FAM53B: variants seen among roughly 807,000 people sequenced by gnomAD.
FAM53B encodes protein FAM53B.
A neutral mutation model predicts 32.7 loss-of-function variants in FAM53B; 12 were observed. The observed-to-expected ratio is 0.37, with a 90% CI of 0.24 to 0.59. FAM53B has a LOEUF of 0.59. FAM53B is among the 20% of genes least tolerant of loss of function. The pLI, the probability that FAM53B is intolerant of heterozygous loss-of-function variation, is 0.72. For missense variants in FAM53B, 477 were observed against 577.7 expected (o/e 0.83, Z 1.79); for synonymous variants, 234 against 228.7 (o/e 1.02, Z -0.21).
chr10:124,628,408 C>A (rs950614624), intron 4 of FAM53B, among the ~76,000 whole-genome samples: 2 of 152,186 alleles, frequency 1.3e-5, no homozygotes, highest in African/African-American at 2.4e-5. Flanking sequence ...ATTCTCACCC[C>A]CTGGGCCCTG....
chr10:124,706,226 G>A (rs541985848), intron 2 of FAM53B, among the ~76,000 whole-genome samples: 3 of 152,206 alleles, frequency 2.0e-5, no homozygotes, highest in Admixed American at 6.5e-5. Flanking sequence ...TCCCACTCTC[G>A]ACGTTCCTGA....
chr10:124,643,087 G>A (rs1949487553), intron 4 of FAM53B, among the ~76,000 whole-genome samples: 1 of 152,196 alleles, frequency 6.6e-6, no homozygotes, highest in African/African-American at 2.4e-5. Flanking sequence ...AGCACGAAAA[G>A]GACACACAAA....
chr10:124,720,461 G>A (rs1482006715), intron 1 of FAM53B, among the ~76,000 whole-genome samples: 1 of 152,022 alleles, frequency 6.6e-6, no homozygotes, highest in South Asian at 2.1e-4. Flanking sequence ...TCCTAGCTTC[G>A]AAAATAATTT....
chr10:124,678,236 G>C (rs189867500), intron 4 of FAM53B, among the ~76,000 whole-genome samples: 1 of 152,352 alleles, frequency 6.6e-6, no homozygotes, highest in Non-Finnish European at 1.5e-5. Context: ...TCCTGCGACT[G>C]TGACGATGAT....
chr10:124,703,241 G>A (rs151021127), intron 2 of FAM53B, among the ~76,000 whole-genome samples: 6,545 of 152,126 alleles, frequency 0.043, 206 homozygotes, highest in East Asian at 0.12. Flanking sequence ...GCAGAGACGG[G>A]GCTTCACCAT....
At chr10:124,688,129 G>A (rs931088852) in intron 3 of FAM53B, among the ~76,000 whole-genome samples, 13 of 152,140 alleles carry the variant, frequency 8.5e-5, no homozygotes, top group Non-Finnish European at 1.5e-5. Context: ...GGCCTTAGAA[G>A]CTAACTCACT....
At position 124,681,703 on chromosome 10, in the gene FAM53B, C is replaced by G; in HGVS notation, c.810G>C (p.Pro270=). The change falls in exon 4 of 5, where the codon CCG becomes CCC. Residue 270 remains proline, a synonymous_variant. Transcript: ENST00000337318. ...CGACCTTCTTGTCGTTAAGGACACA[C>G]GGCTGGGAGCGGCTGCGGGAAAGGC... ...SSGLSRSRSQ[P]CVLNDKKVGV... 1 of 1,610,412 alleles carries G rather than the reference C, an allele frequency of 6.2e-7. No homozygotes were observed. Among genetic ancestry groups the G allele is most frequent in the African/African-American group, 1.3e-5 (1 of 75,024 alleles).
intron 4 of FAM53B, among the ~76,000 whole-genome samples, chr10:124,629,152 G>A (rs1365677043): frequency 6.6e-6 from 1 of 152,252 alleles, no homozygotes; most frequent in Non-Finnish European, 1.5e-5. Context: ...GCCCTGTGGG[G>A]AGTCCAGTTC....
intron 1 of FAM53B, chr10:124,742,820 A>C (rs1950207374): frequency 6.6e-6 from 1 of 152,254 alleles, no homozygotes; most frequent in Non-Finnish European, 1.5e-5. Context: ...CCCGGAATGC[A>C]AGCCATTCCG....
intron 4 of FAM53B, among the ~76,000 whole-genome samples, chr10:124,673,864 G>A (rs1021293931): frequency 2.0e-5 from 3 of 152,172 alleles, no homozygotes; most frequent in Non-Finnish European, 2.9e-5. Context: ...GCAGTGTGTT[G>A]GCTTCCCAGA....
rs1490097868 is a variant in FAM53B, at chr10:124,621,553, G to A, written c.*1689C>T. On this transcript the variant is annotated 3_prime_UTR_variant, in exon 5 of 5. Transcript: ENST00000337318. ...GCAACACCATCTCTCAGGGCTGTGG[G>A]GCTGGGGGCTTTCTGCCAGCTCCTT... 1.3e-5 allele frequency: 2 copies of A among 151,992 alleles called. No individual in the cohort carries two copies. The highest frequency in any genetic ancestry group is 3.9e-4 in the East Asian group (2 of 5,156). 9.4% of individuals were successfully genotyped at this position (151,992 alleles called of 1,614,324 possible).
At chr10:124,684,318 C>T (rs1218877746) in intron 3 of FAM53B, among the ~76,000 whole-genome samples, 1 of 152,240 alleles carries the variant, frequency 6.6e-6, no homozygotes, top group Non-Finnish European at 1.5e-5. Flanking sequence ...CACAGCAGGT[C>T]TCAATATCTG....
chr10:124,662,445 C>T (rs1222569689), intron 4 of FAM53B, among the ~76,000 whole-genome samples: 9 of 139,202 alleles, frequency 6.5e-5, no homozygotes, highest in African/African-American at 2.3e-4. Context: ...CATCCACCCA[C>T]CCACACACCC....
intron 3 of FAM53B, among the ~76,000 whole-genome samples, chr10:124,693,333 G>A (rs1231513769): frequency 6.6e-6 from 1 of 152,120 alleles, no homozygotes; most frequent in Non-Finnish European, 1.5e-5. Context: ...AGCTGGGCGT[G>A]GTGGCACACG....
intron 4 of FAM53B, among the ~76,000 whole-genome samples, chr10:124,663,832 C>T (rs1462386996): frequency 3.3e-5 from 5 of 152,022 alleles, no homozygotes; most frequent in East Asian, 1.9e-4. Context: ...TACCCTCGGG[C>T]ATCTCCAGAG....
intron 4 of FAM53B, among the ~76,000 whole-genome samples, chr10:124,673,973 C>T (rs959508861): frequency 6.6e-6 from 1 of 152,228 alleles, no homozygotes; most frequent in Non-Finnish European, 1.5e-5. Context: ...ACCACACAGC[C>T]AGGTGGCAGA....
chr10:124,620,590 TG>T lies in FAM53B; in HGVS notation c.*2651del. 1 of 152,278 alleles carries T rather than the reference TG, an allele frequency of 6.6e-6. No homozygotes were observed. Among genetic ancestry groups the T allele is most frequent in the Non-Finnish European group, 1.5e-5 (1 of 68,082 alleles). The allele number at this position is 152,278 out of a possible 1,614,324, so 9.4% of individuals were successfully genotyped here. A position where few individuals can be genotyped will look rare whatever the true frequency, so the allele number is the denominator to read the frequency against. ...CCTGCTGCCCATGGGGACACCAATG[TG>T]GGGGGCACCTCCTAGGCGAACCTCC... is the stretch of plus-strand genomic sequence containing the variant. On this transcript the variant is annotated 3_prime_UTR_variant, in exon 5 of 5. Transcript: ENST00000337318.
At chr10:124,681,575 C>G in intron 4 of FAM53B, 32 bp downstream of exon 4, 1 of 1,531,248 alleles carries the variant, frequency 6.5e-7, no homozygotes, top group Non-Finnish European at 8.8e-7. Flanking sequence ...CCAGTGAGCA[C>G]CAAGGTGACT....
chr10:124,620,327 G>A lies in FAM53B; in HGVS notation c.*2915C>T, dbSNP rs536436285. On this transcript the variant is annotated 3_prime_UTR_variant, in exon 5 of 5. Transcript: ENST00000337318. ...CAGCCCCTGGCAGTTTGGTGGCTTT[G>A]GAATGAGTGGGGTGCATGTGGCACT... The A allele has an allele frequency of 6.6e-6, 1 of 152,018 alleles. No individual in the cohort carries two copies. The highest frequency in any genetic ancestry group is 2.0e-4 in the East Asian group (1 of 5,092). 9.4% of individuals were successfully genotyped at this position (152,018 alleles called of 1,614,324 possible).
Sources: allele counts gnomAD v4.1 joint callset (sites outside exome capture counted in the v4.1 genomes callset), GRCh38; gene constraint gnomAD v4.1.1; transcripts MANE v1.5; gene names NCBI Gene and HGNC (gene_info 2026-07-23, HGNC 2026-07-21).